The following PARM1 variants were observed in gnomAD, a reference collection of about 807,000 sequenced individuals.
PARM1 encodes prostate androgen-regulated mucin-like protein 1.
Under a neutral mutation model 24.6 loss-of-function variants are expected in PARM1, and 14 were observed. The ratio of observed to expected loss-of-function variants is 0.57; its 90% CI spans 0.38 to 0.89. The LOEUF (loss-of-function observed/expected upper bound fraction) is 0.89. Ranked by LOEUF, PARM1 falls within the 40% of genes least tolerant of loss-of-function variation. The pLI, the probability that PARM1 is intolerant of heterozygous loss-of-function variation, is 0.00. For missense variants in PARM1, 362 were observed against 380.4 expected (o/e 0.95, Z 0.40); for synonymous variants, 179 against 156.6 (o/e 1.14, Z -1.07).
At chr4:75,044,441 C>A (rs151321169) in intron 3 of PARM1, among the ~76,000 whole-genome samples, 1 of 152,084 alleles carries the variant, frequency 6.6e-6, no homozygotes, top group African/African-American at 2.4e-5. Context: ...TTATTTTTTC[C>A]AATCACTGTT....
intron 2 of PARM1, among the ~76,000 whole-genome samples, chr4:75,028,735 C>T (rs1331388801): frequency 6.6e-6 from 1 of 152,208 alleles, no homozygotes; most frequent in African/African-American, 2.4e-5. Flanking sequence ...CCATCACCTC[C>T]TCCACCCCCA....
At chr4:74,960,081 G>A (rs901619251) in intron 1 of PARM1, among the ~76,000 whole-genome samples, 5 of 152,290 alleles carry the variant, frequency 3.3e-5, no homozygotes, top group Middle Eastern at 3.4e-3. Flanking sequence ...TATGTAACTT[G>A]CAGGCAGTTT....
intron 1 of PARM1, chr4:74,967,410 C>A (rs1721926217): frequency 6.6e-6 from 1 of 152,118 alleles, no homozygotes; most frequent in Non-Finnish European, 1.5e-5. Context: ...CTAAAATAAT[C>A]CACACAATAA....
chr4:75,012,744 G>A lies in PARM1; in HGVS notation c.363G>A (p.Thr121=), dbSNP rs567609943. The change falls in exon 2 of 4, where the codon ACG becomes ACA. Residue 121 remains threonine (T), a synonymous_variant. Transcript: ENST00000307428. ...GCGGTGGAGTCCACTTAACAACCACGTTGGAGGAACACAGCTCGGGCACTC... is the reference window on the plus strand; with the variant it reads ...GCGGTGGAGTCCACTTAACAACCACATTGGAGGAACACAGCTCGGGCACTC... ...STSGGVHLTT[T]LEEHSSGTPE... The A allele has an allele frequency of 1.5e-4, 245 of 1,613,922 alleles. 3 individuals are homozygous for A. The South Asian group carries it at 1.7e-3, about 11-fold the overall frequency.
At chr4:75,001,697 G>A (rs534234626) in intron 1 of PARM1, among the ~76,000 whole-genome samples, 94 of 152,092 alleles carry the variant, frequency 6.2e-4, no homozygotes, top group Middle Eastern at 3.4e-3. Flanking sequence ...TGGCATCTTC[G>A]GTGAAAACCC....
chr4:74,978,074 C>G (rs1228197551), intron 1 of PARM1, among the ~76,000 whole-genome samples: 2 of 152,206 alleles, frequency 1.3e-5, no homozygotes, highest in Non-Finnish European at 2.9e-5. Context: ...TGCAAAATAA[C>G]TGGCTAGAAT....
At chr4:74,950,523 G>T (rs1721502217) in intron 1 of PARM1, among the ~76,000 whole-genome samples, 1 of 152,138 alleles carries the variant, frequency 6.6e-6, no homozygotes, top group African/African-American at 2.4e-5. Context: ...GATTATATCT[G>T]CAAAGAGCTT....
chr4:74,978,625 C>T (rs1328300473), intron 1 of PARM1, among the ~76,000 whole-genome samples: 1 of 152,144 alleles, frequency 6.6e-6, no homozygotes, highest in Non-Finnish European at 1.5e-5. Context: ...TAGATATATA[C>T]AAAACTTTCC....
intron 2 of PARM1, among the ~76,000 whole-genome samples, chr4:75,030,785 A>G (rs1421395014): frequency 2.6e-5 from 4 of 152,126 alleles, no homozygotes; most frequent in African/African-American, 9.7e-5. Flanking sequence ...CTCCACTCCC[A>G]GTGGACTGCC....
intron 1 of PARM1, among the ~76,000 whole-genome samples, chr4:74,972,818 G>A (rs150010196): frequency 2.3e-4 from 35 of 152,280 alleles, no homozygotes; most frequent in Non-Finnish European, 4.4e-4. Flanking sequence ...TCTTGCTGAT[G>A]CCTCAATGTG....
chr4:74,934,718 T>C (rs1054554894), intron 1 of PARM1, among the ~76,000 whole-genome samples: 2 of 152,182 alleles, frequency 1.3e-5, no homozygotes, highest in African/African-American at 4.8e-5. Flanking sequence ...CCCGGCTGGC[T>C]GCGGGTGGTA....
chr4:74,934,592 C>T (rs528590160), intron 1 of PARM1, among the ~76,000 whole-genome samples: 9 of 152,346 alleles, frequency 5.9e-5, no homozygotes, highest in African/African-American at 1.9e-4. Context: ...TATCTCGGCA[C>T]GGTTTGGAGA....
At chr4:74,951,947 A>G (rs1214180819) in intron 1 of PARM1, among the ~76,000 whole-genome samples, 1 of 152,232 alleles carries the variant, frequency 6.6e-6, no homozygotes, top group Non-Finnish European at 1.5e-5. Flanking sequence ...CTTTTGATAT[A>G]TACCCAGTAA....
chr4:74,948,211 T>C (rs1257776649), intron 1 of PARM1, among the ~76,000 whole-genome samples: 2 of 152,210 alleles, frequency 1.3e-5, no homozygotes, highest in East Asian at 3.8e-4. Flanking sequence ...CTCCCAGGTA[T>C]GAGCACATAC....
At chr4:75,045,034 T>G (rs1723573824) in intron 3 of PARM1, among the ~76,000 whole-genome samples, 1 of 152,116 alleles carries the variant, frequency 6.6e-6, no homozygotes, top group Non-Finnish European at 1.5e-5. Flanking sequence ...AGATGAGATT[T>G]GGGTGGGGAC....
intron 2 of PARM1, among the ~76,000 whole-genome samples, chr4:75,019,590 T>C (rs1171942086): frequency 6.6e-6 from 1 of 152,256 alleles, no homozygotes; most frequent in African/African-American, 2.4e-5. Context: ...CACAGACATC[T>C]AGACATCTCT....
intron 1 of PARM1, among the ~76,000 whole-genome samples, chr4:75,000,078 A>T (rs1373556022): frequency 1.3e-5 from 2 of 151,934 alleles, no homozygotes; most frequent in African/African-American, 4.8e-5. Context: ...TTGTTGAAGG[A>T]TGTGGGAAGC....
intron 2 of PARM1, among the ~76,000 whole-genome samples, chr4:75,029,794 G>A (rs1277610581): frequency 2.0e-5 from 3 of 151,922 alleles, no homozygotes; most frequent in Non-Finnish European, 4.4e-5. Flanking sequence ...TAGGTACTCA[G>A]GTAAGAACTG....
chr4:75,041,074 A>C (rs1244354458), intron 3 of PARM1, among the ~76,000 whole-genome samples: 1 of 152,100 alleles, frequency 6.6e-6, no homozygotes, highest in African/African-American at 2.4e-5. Flanking sequence ...TATATTATTT[A>C]CTGTGTCTCC....
Sources: allele counts gnomAD v4.1 joint callset (sites outside exome capture counted in the v4.1 genomes callset), GRCh38; gene constraint gnomAD v4.1.1; transcripts MANE v1.5; gene names NCBI Gene and HGNC (gene_info 2026-07-23, HGNC 2026-07-21).